The following TESK1 variants were observed in gnomAD, a reference collection of about 807,000 sequenced individuals.
TESK1 encodes testis associated actin remodelling kinase 1.
In TESK1, 18 loss-of-function variants were observed where a neutral mutation model predicts 59.9. The observed-to-expected ratio is 0.30, with a 90% CI of 0.21 to 0.45. TESK1 has a LOEUF of 0.45. TESK1 is among the 20% of genes least tolerant of loss of function. TESK1 has a pLI of 1.00. For synonymous variants in TESK1, 341 were observed against 357.4 expected (o/e 0.95, Z 0.52); for missense variants, 748 against 840.9 (o/e 0.89, Z 1.37).
chr9:35,609,894 C>A lies in TESK1; in HGVS notation c.*152C>A. On this transcript the variant is annotated 3_prime_UTR_variant, in exon 10 of 10. Transcript: ENST00000336395. This position sits in a 1 kb window ranked among gnomAD's most constrained non-coding sequence, Gnocchi z 6.7. The stretch of plus-strand genomic sequence containing the variant: ...CCCAGCATGGACTCAAGGGACAGAG[C>A]ACTTCCAGTCGACCCCCCGGCTCGC... 1 of 923,788 alleles carries A rather than the reference C, an allele frequency of 1.1e-6. No homozygotes were observed. Among genetic ancestry groups the A allele is most frequent in the Non-Finnish European group, 1.5e-6 (1 of 645,418 alleles). 57.2% of individuals were successfully genotyped at this position (923,788 alleles called of 1,614,324 possible).
At position 35,605,643 on chromosome 9, in the gene TESK1, G is replaced by T. The variant is rs1431924712; in HGVS notation, c.24G>T (p.Leu8=). ...CCATGGCCGGGGAACGGCCCCCACT[G>T]CGGGGCCCTGGGCCCGGGCCTGGAG... MAGERPP[L]RGPGPGPGEV... Residue 8 remains leucine (L), a synonymous_variant, in exon 1 of 10, where the codon CTG becomes CTT. Transcript: ENST00000336395. 2 of 1,220,712 alleles carry T rather than the reference G, an allele frequency of 1.6e-6. No individual in the cohort carries two copies. Among genetic ancestry groups the T allele is most frequent in the Admixed American group, 4.4e-5 (1 of 22,920 alleles). 75.6% of individuals were successfully genotyped at this position (1,220,712 alleles called of 1,614,324 possible).
intron 3 of TESK1, 41 bp downstream of exon 3, chr9:35,606,326 AC>A: frequency 6.2e-7 from 1 of 1,610,746 alleles, no homozygotes; most frequent in South Asian, 1.1e-5. Context: ...ACCCCCCTTC[AC>A]CCCCAAGGAT....
chr9:35,605,472 A>AGGATCTTCGGCGGATCTTCGGC lies in TESK1; in HGVS notation c.-129_-128insGGCGGATCTTCGGCGGATCTTC, dbSNP rs561588160. On this transcript the variant is annotated 5_prime_UTR_variant, in exon 1 of 10. Transcript: ENST00000336395. ...CAGCCGGCGCGGCGGGGGCGGGTCC[A>AGGATCTTCGGCGGATCTTCGGC]GGATCTTCGGCGGATCTTCCATTCT... 4.1e-5 allele frequency: 10 copies of AGGATCTTCGGCGGATCTTCGGC among 241,048 alleles called. No individual in the cohort carries two copies. The highest frequency in any genetic ancestry group is 8.4e-5 in the East Asian group (1 of 11,856). 14.9% of individuals were successfully genotyped at this position (241,048 alleles called of 1,614,324 possible).
chr9:35,606,002 G>T lies in TESK1; in HGVS notation c.238G>T (p.Gly80Trp). ...EVYKVRHRQS[G>W]QVMVLKMNKL... ...CCCCCAGGTTCGGCACCGACAGTCA[G>T]GGCAAGTCATGGTGCTGAAGATGAA... The change falls in exon 2 of 10, where the codon GGG becomes TGG. Residue 80 changes from glycine (G) to tryptophan (W), a missense_variant. Gly to Trp is a radical substitution (Grantham distance 184). Transcript: ENST00000336395. 6 of 1,614,000 alleles carry T rather than the reference G, an allele frequency of 3.7e-6. No homozygotes were observed. The highest frequency in any genetic ancestry group is 5.1e-6 in the Non-Finnish European group (6 of 1,180,002).
Position 35,608,513 on chromosome 9 carries a change from A to G in TESK1, c.1000+4A>G. ...ACCGCCCTGACACACAATCAGGGTA[A>G]GGGAGCCTGACCTTGATCCAGCTTG... On this transcript the variant is annotated splice_donor_region_variant and intron_variant, in intron 9 of 9. Coordinates refer to ENST00000336395, the MANE Select transcript of TESK1 (RefSeq NM_006285.3). 1 of 1,612,628 alleles carries G rather than the reference A, an allele frequency of 6.2e-7. No individual in the cohort carries two copies. Among genetic ancestry groups the G allele is most frequent in the Non-Finnish European group, 8.5e-7 (1 of 1,178,914 alleles).
chr9:35,607,996 C>T lies in TESK1; in HGVS notation c.780C>T (p.Tyr260=), dbSNP rs1458545160. The change falls in exon 7 of 10, where the codon TAC becomes TAT. Residue 260 remains tyrosine, a synonymous_variant. Transcript: ENST00000336395. The surrounding 1 kb of genome is among the most constrained non-coding windows in gnomAD (Gnocchi z 4.5). ...LIARVPADPD[Y]LPRTEDFGLD... ...CCCGAGTACCTGCAGACCCTGACTA[C>T]CTACCACGCACTGAGGTGAATGTTT... 5 of 1,614,056 alleles carry T rather than the reference C, an allele frequency of 3.1e-6. No homozygotes were observed. The African/African-American group carries it at 5.3e-5, about 17-fold the overall frequency.
Position 35,609,676 on chromosome 9 carries a change from C to T in TESK1, c.1815C>T (p.Leu605=). The T allele has an allele frequency of 2.5e-6, 4 of 1,603,156 alleles. No individual in the cohort carries two copies. Among genetic ancestry groups the T allele is most frequent in the Non-Finnish European group, 3.4e-6 (4 of 1,179,892 alleles). The change falls in exon 10 of 10, where the codon CTC becomes CTT. Residue 605 remains leucine, a synonymous_variant. Transcript: ENST00000336395. This position sits in a 1 kb window ranked among gnomAD's most constrained non-coding sequence, Gnocchi z 6.7. ...RNLNCEAGSL[L]CHRGHHAKPP... is the part of the protein sequence containing the mutation. ...TGAACTGTGAGGCGGGCAGTCTCCT[C>T]TGCCACCGAGGGCACCACGCCAAGC...
Position 35,605,812 on chromosome 9 carries a change from G to T in TESK1, c.193G>T (p.Ala65Ser), listed in dbSNP as rs1381998964. The change falls in exon 1 of 10, where the codon GCC (alanine) becomes TCC (serine). Residue 65 changes from alanine to serine, a missense_variant. Around this residue, in one of 3 missense-constraint regions of TESK1, gnomAD observed 133 missense variants for 117.4 expected, o/e 1.13. Coordinates refer to ENST00000336395, the MANE Select transcript of TESK1 (RefSeq NM_006285.3). ...TTTTCACTGCGCGGAGAAGATCGGG[G>T]CCGGCTTCTTCTCTGAGGTCTACAA... is the stretch of plus-strand genomic sequence containing the variant. ...DDFHCAEKIG[A>S]GFFSEVYKVR... 4 of 1,611,882 alleles carry T rather than the reference G, an allele frequency of 2.5e-6. No homozygotes were observed. Among genetic ancestry groups the T allele is most frequent in the Non-Finnish European group, 8.5e-7 (1 of 1,179,530 alleles).
chr9:35,608,543 C>T, intron 9 of TESK1, 34 bp downstream of exon 9: 1 of 1,584,322 alleles, frequency 6.3e-7, no homozygotes, highest in Non-Finnish European at 8.6e-7. Context: ...AGCTTGAGTC[C>T]TTTGGCCTTT....
At position 35,608,391 on chromosome 9, in the gene TESK1, T is replaced by A. The variant is rs371932116; in HGVS notation, c.886-4T>A. ...GTGAAGCCGTTCCTGTCTCTACCCA[T>A]CAGCTGGAACCCAGCACCCGTGCCC... On this transcript the variant is annotated splice_region_variant and splice_polypyrimidine_tract_variant and intron_variant, in intron 8 of 9. Coordinates refer to ENST00000336395, the MANE Select transcript of TESK1 (RefSeq NM_006285.3). 244 of 1,613,786 alleles carry A rather than the reference T, an allele frequency of 1.5e-4. No homozygotes were observed. The Middle Eastern group carries it at 3.6e-3, about 24-fold the overall frequency.
At position 35,605,964 on chromosome 9, in the gene TESK1, C is replaced by G; in HGVS notation, c.220-20C>G. 1 of 1,612,896 alleles carries G rather than the reference C, an allele frequency of 6.2e-7. No homozygotes were observed. Among genetic ancestry groups the G allele is most frequent in the Non-Finnish European group, 8.5e-7 (1 of 1,179,604 alleles). Reference sequence around the variant, plus strand: ...ACCCGCCCGACCTGCCCGGCCCTCGCCGGCTGCTCCTGCCCCCAGGTTCGG... The same window carrying G: ...ACCCGCCCGACCTGCCCGGCCCTCGGCGGCTGCTCCTGCCCCCAGGTTCGG... On this transcript the variant is annotated intron_variant, in intron 1 of 9. Coordinates refer to ENST00000336395, the MANE Select transcript of TESK1 (RefSeq NM_006285.3).
rs1276687470 is a variant in TESK1, at chr9:35,609,905, G to A, written c.*163G>A. 1.2e-5 allele frequency: 10 copies of A among 817,048 alleles called. No homozygotes were observed. The highest frequency in any genetic ancestry group is 7.0e-5 in the African/African-American group (4 of 57,384). 50.6% of individuals were successfully genotyped at this position (817,048 alleles called of 1,614,324 possible). A position where few individuals can be genotyped will look rare whatever the true frequency, so the allele number is the denominator to read the frequency against. ...CTCAAGGGACAGAGCACTTCCAGTC[G>A]ACCCCCCGGCTCGCGTTCCCGTGGG... On this transcript the variant is annotated 3_prime_UTR_variant, in exon 10 of 10. Coordinates refer to ENST00000336395, the MANE Select transcript of TESK1 (RefSeq NM_006285.3). This position sits in a 1 kb window ranked among gnomAD's most constrained non-coding sequence, Gnocchi z 6.7.
chr9:35,606,366 A>G, intron 3 of TESK1, 81 bp downstream of exon 3: 2 of 1,547,368 alleles, frequency 1.3e-6, no homozygotes, highest in Non-Finnish European at 1.8e-6. Context: ...TGGTGGATCT[A>G]CGGAGGACTA....
chr9:35,609,719 C>A lies in TESK1; in HGVS notation c.1858C>A (p.Gln620Lys). 6 of 1,597,302 alleles carry A rather than the reference C, an allele frequency of 3.8e-6. No individual in the cohort carries two copies. The East Asian group carries it at 1.1e-4, about 30-fold the overall frequency. The change falls in exon 10 of 10, where the codon CAG becomes AAG. Residue 620 changes from glutamine to lysine, a missense_variant. Gln to Lys is a moderately conservative substitution (Grantham distance 53). Coordinates refer to ENST00000336395, the MANE Select transcript of TESK1 (RefSeq NM_006285.3). This position sits in a 1 kb window ranked among gnomAD's most constrained non-coding sequence, Gnocchi z 6.7. The part of the protein sequence containing the change: ...HHAKPPTPSL[Q>K]LPGARS The stretch of plus-strand genomic sequence containing the variant: ...CGCCAAGCCACCCACACCCAGCCTG[C>A]AGCTGCCTGGGGCACGCTCTTAGCA...
chr9:35,608,028 T>A lies in TESK1; in HGVS notation c.795+17T>A. ...CGCACTGAGGTGAATGTTTCTAGGT[T>A]TGCAAAGAAAGAATTCCAGACTAGC... On this transcript the variant is annotated intron_variant, in intron 7 of 9. Coordinates refer to ENST00000336395, the MANE Select transcript of TESK1 (RefSeq NM_006285.3). The A allele has an allele frequency of 6.2e-7, 1 of 1,613,930 alleles. No homozygotes were observed. Among genetic ancestry groups the A allele is most frequent in the Non-Finnish European group, 8.5e-7 (1 of 1,179,800 alleles).
At position 35,609,162 on chromosome 9, in the gene TESK1, G is replaced by A. The variant is rs776987480; in HGVS notation, c.1301G>A (p.Arg434His). The A allele has an allele frequency of 6.1e-5, 99 of 1,613,392 alleles. No individual in the cohort carries two copies. The highest frequency in any genetic ancestry group is 1.3e-4 in the South Asian group (12 of 91,086). ...TLVQPGTPARRCRSLPSSPEL... is the reference protein window; with the variant it reads ...TLVQPGTPARHCRSLPSSPEL... Reference sequence around the variant, plus strand: ...GTCCAGCCTGGGACACCTGCCCGCCGCTGCCGCTCACTACCCTCATCCCCC... The same window carrying A: ...GTCCAGCCTGGGACACCTGCCCGCCACTGCCGCTCACTACCCTCATCCCCC... The change falls in exon 10 of 10, where the codon CGC (arginine) becomes CAC (histidine). Residue 434 changes from arginine (R) to histidine (H), a missense_variant. Coordinates refer to ENST00000336395, the MANE Select transcript of TESK1 (RefSeq NM_006285.3). The surrounding 1 kb of genome is among the most constrained non-coding windows in gnomAD (Gnocchi z 6.7).
Position 35,610,030 on chromosome 9 carries a change from C to A in TESK1, c.*288C>A. The A allele has an allele frequency of 2.6e-6, 1 of 381,508 alleles. No homozygotes were observed. 23.6% of individuals were successfully genotyped at this position (381,508 alleles called of 1,614,324 possible). Reference sequence around the variant, plus strand: ...ACTGCCTGGCTGGCTCCGGGCCGCCCCTATCCGCTCAGCCCGTGCGCCCTC... The same window carrying A: ...ACTGCCTGGCTGGCTCCGGGCCGCCACTATCCGCTCAGCCCGTGCGCCCTC... On this transcript the variant is annotated 3_prime_UTR_variant, in exon 10 of 10. Coordinates refer to ENST00000336395, the MANE Select transcript of TESK1 (RefSeq NM_006285.3).
In TESK1 at chr9:35,605,551, G is replaced by GGCAA; in HGVS notation, c.-66_-63dup. 2.3e-6 allele frequency: 1 copy of GGCAA among 426,808 alleles called. No individual in the cohort carries two copies. The highest frequency in any genetic ancestry group is 3.6e-6 in the Non-Finnish European group (1 of 277,592). 26.4% of individuals were successfully genotyped at this position (426,808 alleles called of 1,614,324 possible). On this transcript the variant is annotated 5_prime_UTR_variant, in exon 1 of 10. It removes the in-frame stop codon of an upstream open reading frame in the 5' UTR. Coordinates refer to ENST00000336395, the MANE Select transcript of TESK1 (RefSeq NM_006285.3). The stretch of plus-strand genomic sequence containing the variant: ...GGGATCGGGCTGGGCCCGCGCCCAT[G>GGCAA]GCAAGCGCGGCCTGCCCGGGCCCTG...
Position 35,605,691 on chromosome 9 carries a change from G to A in TESK1, c.72G>A (p.Pro24=), listed in dbSNP as rs1563890811. Residue 24 remains proline, a synonymous_variant, in exon 1 of 10, where the codon CCG becomes CCA. Transcript: ENST00000336395. The stretch of plus-strand genomic sequence containing the variant: ...GAGAGGTGCCGGGGGAGGGGCCCCC[G>A]GGGCCGGGGGGCACGGGCGGAGGCC... ...GPGEVPGEGP[P]GPGGTGGGPG... 6.8e-7 allele frequency: 1 copy of A among 1,464,756 alleles called. No individual in the cohort carries two copies. The highest frequency in any genetic ancestry group is 2.7e-5 in the Admixed American group (1 of 36,450). The allele number at this position is 1,464,756 out of a possible 1,614,324, so 90.7% of individuals were successfully genotyped here.
Sources: gnomAD v4.1 joint callset for allele counts on GRCh38, gnomAD v4.1.1 for gene constraint, gnomAD v4.1.1 regional missense constraint, Gnocchi (gnomAD v3.1) non-coding constraint, MANE v1.5 for transcripts, NCBI Gene and HGNC (gene_info 2026-07-23, HGNC 2026-07-21) for gene names.